Variants in PRDM6 observed in about 807,000 individuals in gnomAD.
The protein encoded by PRDM6 is PR/SET domain 6.
A neutral mutation model predicts 60.8 loss-of-function variants in PRDM6; 25 were observed. The ratio of observed to expected loss-of-function variants is 0.41; its 90% confidence interval spans 0.30 to 0.57. PRDM6 has a LOEUF of 0.57. Among genes scored for constraint, PRDM6 ranks in the 20% least tolerant of loss-of-function variants. PRDM6 has a pLI of 0.27. For synonymous variants in PRDM6, 407 were observed against 357.4 expected (o/e 1.14, Z -1.57); for missense variants, 839 against 821.3 (o/e 1.02, Z -0.26).
At chr5:123,133,567 G>A (rs1009447516) in intron 3 of PRDM6, among the ~76,000 whole-genome samples, 1 of 152,006 alleles carries the variant, frequency 6.6e-6, no homozygotes, top group Non-Finnish European at 1.5e-5. Flanking sequence ...TGATAAATTG[G>A]ATCCTGATAT....
intron 3 of PRDM6, among the ~76,000 whole-genome samples, chr5:123,155,669 A>T (rs1191141288): frequency 1.3e-5 from 2 of 152,206 alleles, no homozygotes; most frequent in Admixed American, 1.3e-4. Context: ...TTTAATACAG[A>T]GAAGATTGGC....
chr5:123,171,444 A>G (rs990023744), intron 6 of PRDM6, among the ~76,000 whole-genome samples: 2 of 152,344 alleles, frequency 1.3e-5, no homozygotes, highest in African/African-American at 4.8e-5. Context: ...CAAAGATAAT[A>G]TAGCTGGCTG....
chr5:123,116,706 G>T (rs1382326693), intron 3 of PRDM6, among the ~76,000 whole-genome samples: 2 of 152,154 alleles, frequency 1.3e-5, no homozygotes, highest in Non-Finnish European at 2.9e-5. Flanking sequence ...GTCCAGACCT[G>T]TTGGGACCTA....
chr5:123,100,893 T>G (rs924749426), intron 3 of PRDM6, among the ~76,000 whole-genome samples: 4 of 152,202 alleles, frequency 2.6e-5, no homozygotes, highest in African/African-American at 9.6e-5. Context: ...GCTTATGTAA[T>G]ACAAGATGAC....
At chr5:123,163,283 T>G (rs1222018089) in intron 5 of PRDM6, among the ~76,000 whole-genome samples, 1 of 152,342 alleles carries the variant, frequency 6.6e-6, no homozygotes, top group East Asian at 1.9e-4. Context: ...AAATATGATT[T>G]TACTTAGTGA....
intron 3 of PRDM6, among the ~76,000 whole-genome samples, chr5:123,122,142 G>A (rs1242932747): frequency 1.9e-4 from 21 of 112,274 alleles, no homozygotes; most frequent in African/African-American, 4.9e-4. Flanking sequence ...CAGCCTGGGC[G>A]ACAGTGCGAG....
chr5:123,161,814 A>G (rs1765638112), intron 5 of PRDM6, among the ~76,000 whole-genome samples: 1 of 152,190 alleles, frequency 6.6e-6, no homozygotes, highest in Non-Finnish European at 1.5e-5. Flanking sequence ...GTTTTGAGAA[A>G]AAGAACTATT....
chr5:123,161,805 T>G (rs921737009), intron 5 of PRDM6, among the ~76,000 whole-genome samples: 2 of 151,956 alleles, frequency 1.3e-5, no homozygotes, highest in Non-Finnish European at 2.9e-5. Context: ...TGTTGTAGGG[T>G]TTTGAGAAAA....
chr5:123,100,282 A>C (rs960669469), intron 3 of PRDM6, among the ~76,000 whole-genome samples: 3 of 152,204 alleles, frequency 2.0e-5, no homozygotes, highest in African/African-American at 7.2e-5. Context: ...GTCTCTGTGA[A>C]TTTTGAGAAA....
In PRDM6 at chr5:123,185,903, A is replaced by G. The variant is rs114803987; in HGVS notation, c.1674-1184A>G. 8.4e-3 allele frequency among the ~76,000 whole-genome samples: 1,284 copies of G among 152,332 alleles called. 28 individuals are homozygous for G. The highest frequency in any genetic ancestry group is 0.029 in the African/African-American group (1,220 of 41,578). On this transcript the variant is annotated intron_variant, in intron 7 of 7. Transcript: ENST00000407847. ...TTGTCTGTGATAAGGCAGGGAGACTATGTCATGGTGGCTTTTGCCACAGCT... is the reference window on the plus strand; with the variant it reads ...TTGTCTGTGATAAGGCAGGGAGACTGTGTCATGGTGGCTTTTGCCACAGCT...
rs1301270515 is a variant in PRDM6, at chr5:123,189,767, C to T, written c.*2566C>T. 2 of 152,160 alleles carry T rather than the reference C, an allele frequency of 1.3e-5. No individual in the cohort carries two copies. The highest frequency in any genetic ancestry group is 2.9e-5 in the Non-Finnish European group (2 of 68,038). The allele number at this position is 152,160 out of a possible 1,614,324, so 9.4% of individuals were successfully genotyped here. A position where few individuals can be genotyped will look rare whatever the true frequency, so the allele number is the denominator to read the frequency against. ...CAATTTTTACATTGCTGTCCTATTGCCAGCTTCTAGCAGACCAGCCTAGGC... is the reference window on the plus strand; with the variant it reads ...CAATTTTTACATTGCTGTCCTATTGTCAGCTTCTAGCAGACCAGCCTAGGC... On this transcript the variant is annotated 3_prime_UTR_variant, in exon 8 of 8. Transcript: ENST00000407847.
intron 5 of PRDM6, among the ~76,000 whole-genome samples, chr5:123,166,128 T>C (rs993718576): frequency 6.6e-6 from 1 of 152,206 alleles, no homozygotes. Flanking sequence ...CCACAGGCAT[T>C]GGCAATTGTG....
chr5:123,159,009 A>G lies in PRDM6; in HGVS notation c.1029-505A>G, dbSNP rs75729220. Among the ~76,000 whole-genome samples, 761 of 152,294 alleles carry G rather than the reference A, an allele frequency of 5.0e-3. 14 individuals carry two copies. Among genetic ancestry groups the G allele is most frequent in the Admixed American group, 0.036 (557 of 15,296 alleles). On this transcript the variant is annotated intron_variant, in intron 4 of 7. Transcript: ENST00000407847. ...TTTCTCTTCTCCTGTATCAAACTTT[A>G]GAAGAGCAGTGGAGAAGATTTTTAT...
chr5:123,180,470 G>A, intron 7 of PRDM6, 147 bp downstream of exon 7: 1 of 853,696 alleles, frequency 1.2e-6, no homozygotes, highest in Non-Finnish European at 1.7e-6. Flanking sequence ...ATCTCTCCTT[G>A]TTTAGTGGCT....
chr5:123,094,271 C>G (rs1763909452), intron 2 of PRDM6, among the ~76,000 whole-genome samples: 1 of 152,186 alleles, frequency 6.6e-6, no homozygotes, highest in South Asian at 2.1e-4. Flanking sequence ...TGGGCAACTT[C>G]GAGCCCAGTG....
intron 3 of PRDM6, among the ~76,000 whole-genome samples, chr5:123,112,921 AAAC>A (rs961305121): frequency 7.2e-5 from 11 of 151,782 alleles, no homozygotes; most frequent in Non-Finnish European, 1.5e-4. Flanking sequence ...CTTTTATAGT[AAAC>A]AACATCTCAA....
intron 3 of PRDM6, among the ~76,000 whole-genome samples, chr5:123,114,968 G>C (rs1764400125): frequency 6.6e-6 from 1 of 152,206 alleles, no homozygotes. Context: ...ACAGGACGTG[G>C]CTGGAGAAAT....
chr5:123,164,769 A>G (rs961287092), intron 5 of PRDM6, among the ~76,000 whole-genome samples: 2 of 152,088 alleles, frequency 1.3e-5, no homozygotes, highest in African/African-American at 4.8e-5. Context: ...TTGCTACTGG[A>G]TGGAGGTGCT....
chr5:123,146,577 T>C (rs1318795775), intron 3 of PRDM6, among the ~76,000 whole-genome samples: 1 of 152,220 alleles, frequency 6.6e-6, no homozygotes, highest in South Asian at 2.1e-4. Context: ...TTTCCAAAAT[T>C]GATACTTTCT....
Sources: gnomAD v4.1 joint callset for allele counts (sites outside exome capture counted in the v4.1 genomes callset) on GRCh38, gnomAD v4.1.1 for gene constraint, MANE v1.5 for transcripts, NCBI Gene and HGNC (gene_info 2026-07-23, HGNC 2026-07-21) for gene names.